PPP1R1C: variants seen among roughly 807,000 people sequenced by gnomAD.
The protein encoded by PPP1R1C is protein phosphatase 1 regulatory subunit 1C.
PPP1R1C carries 15 observed loss-of-function variants against 17.4 expected under a neutral mutation model. The observed-to-expected ratio is 0.86, with a 90% confidence interval of 0.58 to 1.33. The LOEUF is 1.33. PPP1R1C is among the 40% of genes most tolerant of loss of function. The pLI, the probability that PPP1R1C is intolerant of heterozygous loss-of-function variation, is 0.00. For missense variants in PPP1R1C, 143 were observed against 130.0 expected (o/e 1.10, Z -0.48); for synonymous variants, 35 against 43.1 (o/e 0.81, Z 0.73).
chr2:182,030,286 A>T (rs373965790), intron 2 of PPP1R1C, among the ~76,000 whole-genome samples: 3 of 151,936 alleles, frequency 2.0e-5, no homozygotes, highest in East Asian at 1.9e-4. Context: ...GAGGAGAGGC[A>T]CTCTGTGTTT....
intron 4 of PPP1R1C, among the ~76,000 whole-genome samples, chr2:182,107,314 A>G (rs76784386): frequency 0.031 from 4,666 of 152,296 alleles, 132 homozygotes; most frequent in African/African-American, 0.067. Flanking sequence ...GAATTCTTCT[A>G]ATCTAGGTAT....
At chr2:181,973,799 T>C (rs1474307282) in intron 1 of PPP1R1C, among the ~76,000 whole-genome samples, 1 of 152,216 alleles carries the variant, frequency 6.6e-6, no homozygotes, top group Admixed American at 6.5e-5. Flanking sequence ...GCATGTAATG[T>C]ATGGCCCCAC....
intron 2 of PPP1R1C, among the ~76,000 whole-genome samples, chr2:182,003,624 A>C (rs1021852229): frequency 2.6e-5 from 4 of 151,948 alleles, no homozygotes; most frequent in African/African-American, 9.7e-5. Context: ...AGAGGACATA[A>C]ATCAGTCTTG....
chr2:182,038,031 TG>T (rs1017568677), intron 2 of PPP1R1C, among the ~76,000 whole-genome samples: 3 of 151,968 alleles, frequency 2.0e-5, no homozygotes, highest in Admixed American at 1.3e-4. Context: ...TATATTTATA[TG>T]TATTTTATTT....
chr2:182,121,711 C>T (rs1689737492), downstream of PPP1R1C, among the ~76,000 whole-genome samples: 1 of 151,928 alleles, frequency 6.6e-6, no homozygotes, highest in Admixed American at 6.6e-5. Context: ...GCCATATTGT[C>T]CAGGATGGTC....
chr2:181,976,045 A>G lies in PPP1R1C; in HGVS notation n.157+781A>G, dbSNP rs140192564. Among the ~76,000 whole-genome samples the G allele has an allele frequency of 6.6e-6, 1 of 152,102 alleles. No individual in the cohort carries two copies. Among genetic ancestry groups the G allele is most frequent in the East Asian group, 1.9e-4 (1 of 5,202 alleles). On this transcript the variant is annotated intron_variant and non_coding_transcript_variant, in intron 2 of 5. Transcript: ENST00000464264. This position sits in a 1 kb window ranked among gnomAD's most constrained non-coding sequence, Gnocchi z 4.8. ...ATTATCTTTGTTATTCTGGCTCTTA[A>G]TTTTTTATTAAAAAATTCAAATGTG...
chr2:182,023,301 T>A (rs1206542698), intron 2 of PPP1R1C, among the ~76,000 whole-genome samples: 5 of 152,092 alleles, frequency 3.3e-5, no homozygotes, highest in Admixed American at 2.6e-4. Flanking sequence ...GTACCACTAC[T>A]GAATTGATGA....
chr2:181,968,963 A>G (rs1684955585), intron 1 of PPP1R1C, among the ~76,000 whole-genome samples: 1 of 152,200 alleles, frequency 6.6e-6, no homozygotes, highest in Non-Finnish European at 1.5e-5. Context: ...AAAACAAACA[A>G]GCAAAGAGAA....
rs879148866 is a variant in PPP1R1C at position 181,962,306 on chromosome 2, A to G, written n.111+7672A>G. 30 of 813,332 alleles carry G rather than the reference A, an allele frequency of 3.7e-5. No individual in the cohort carries two copies. Among genetic ancestry groups the G allele is most frequent in the South Asian group, 1.3e-4 (9 of 66,900 alleles). The allele number at this position is 813,332 out of a possible 1,614,324, so 50.4% of individuals were successfully genotyped here. ...CCCCGCGGCCAGGTCCCCGGACCCC[A>G]TGCCACCCCGGAAGCTGGTGGAGCG... On this transcript the variant is annotated intron_variant and non_coding_transcript_variant, in intron 1 of 5. Transcript: ENST00000464264. The surrounding 1 kb of genome is among the most constrained non-coding windows in gnomAD (Gnocchi z 6.0).
chr2:182,010,817 G>A (rs191288293), intron 2 of PPP1R1C, among the ~76,000 whole-genome samples: 123 of 151,712 alleles, frequency 8.1e-4, no homozygotes, highest in African/African-American at 2.6e-3. Context: ...AATTTCTGAG[G>A]GTTTTTATCA....
At chr2:182,037,569 G>A (rs1239977802) in intron 2 of PPP1R1C, among the ~76,000 whole-genome samples, 1 of 146,180 alleles carries the variant, frequency 6.8e-6, no homozygotes, top group East Asian at 2.0e-4. Flanking sequence ...CCTGGTGACA[G>A]AGCAAGAATC....
Position 181,961,121 on chromosome 2 carries a change from C to T in PPP1R1C, n.111+6487C>T. ...TCATCATAGCAGTTTTCTTGTCTTC[C>T]TTCCCTCCCTTCCTTCCTTCCTTTC... On this transcript the variant is annotated intron_variant and non_coding_transcript_variant, in intron 1 of 5. Transcript: ENST00000464264. This position sits in a 1 kb window ranked among gnomAD's most constrained non-coding sequence, Gnocchi z 5.8. 1 of 593,644 alleles carries T rather than the reference C, an allele frequency of 1.7e-6. No homozygotes were observed. The allele number at this position is 593,644 out of a possible 1,614,324, so 36.8% of individuals were successfully genotyped here.
intron 4 of PPP1R1C, among the ~76,000 whole-genome samples, chr2:182,088,345 A>T (rs1019188478): frequency 1.3e-5 from 2 of 152,216 alleles, no homozygotes; most frequent in African/African-American, 4.8e-5. Flanking sequence ...GCTATTAAAA[A>T]CAAATACTTC....
At chr2:182,130,686 G>C (rs1689987964), downstream of PPP1R1C, 1 of 152,154 alleles carries the variant, frequency 6.6e-6, no homozygotes, top group Non-Finnish European at 1.5e-5. Flanking sequence ...ATATTCTGTG[G>C]ATGTGTTTTC....
intron 2 of PPP1R1C, among the ~76,000 whole-genome samples, chr2:182,038,337 C>G (rs1039256631): frequency 6.6e-6 from 1 of 152,296 alleles, no homozygotes; most frequent in East Asian, 1.9e-4. Flanking sequence ...CTGCACCCAG[C>G]CTTATTCATA....
At chr2:181,958,821 A>C (rs1439837834) in intron 1 of PPP1R1C, among the ~76,000 whole-genome samples, 1 of 152,114 alleles carries the variant, frequency 6.6e-6, no homozygotes, top group South Asian at 2.1e-4. Context: ...ATTCTTTTTC[A>C]TTGCTGTGGA....
At chr2:182,041,463 G>A (rs768127087) in intron 2 of PPP1R1C, among the ~76,000 whole-genome samples, 1 of 151,964 alleles carries the variant, frequency 6.6e-6, no homozygotes, top group Non-Finnish European at 1.5e-5. Flanking sequence ...ACAAAAATTA[G>A]CCAGTTGTGG....
downstream of PPP1R1C, chr2:182,131,319 A>T (rs988309148): frequency 6.6e-6 from 1 of 152,184 alleles, no homozygotes; most frequent in Non-Finnish European, 1.5e-5. Context: ...TACACTAAAT[A>T]TGTATATATG....
rs1242866344 is a variant in PPP1R1C at position 181,986,120 on chromosome 2, A to C, written c.10A>C (p.Asn4His). The C allele has an allele frequency of 3.7e-6, 6 of 1,613,512 alleles. No homozygotes were observed. Among genetic ancestry groups the C allele is most frequent in the Non-Finnish European group, 5.1e-6 (6 of 1,179,456 alleles). The change falls in exon 1 of 5, where the codon AAC (asparagine) becomes CAC (histidine). Residue 4 changes from asparagine (N) to histidine (H), a missense_variant. By Grantham distance (68) the Asn-to-His change is moderately conservative. Coordinates refer to ENST00000682840, the MANE Select transcript of PPP1R1C (RefSeq NM_001080545.3). Reference protein sequence around the residue: MEPNSPKKIQFAVP... With the variant: MEPHSPKKIQFAVP... ...AATTATCATCATTACCATGGAGCCC[A>C]ACAGTCCCAAAAAGATACAGTTTGC... is the stretch of plus-strand genomic sequence containing the variant.
Sources: allele counts gnomAD v4.1 joint callset (sites outside exome capture counted in the v4.1 genomes callset), GRCh38; gene constraint gnomAD v4.1.1; non-coding constraint Gnocchi (gnomAD v3.1); transcripts MANE v1.5; gene names NCBI Gene and HGNC (gene_info 2026-07-23, HGNC 2026-07-21).